C2orf49: variants seen among roughly 807,000 people sequenced by gnomAD.
The protein encoded by C2orf49 is tRNA splicing ligase complex subunit 2.
In C2orf49, 11 loss-of-function variants were observed where a neutral mutation model predicts 20.6. The observed-to-expected ratio is 0.53, with a 90% CI of 0.34 to 0.88. C2orf49 has a LOEUF of 0.88. Ranked by LOEUF, C2orf49 falls within the 40% of genes least tolerant of loss-of-function variation. C2orf49 has a pLI of 0.02. For missense variants in C2orf49, 289 were observed against 274.2 expected, an observed-to-expected ratio of 1.05 and a Z score of -0.38; for synonymous variants, 134 against 108.5, an observed-to-expected ratio of 1.24 and a Z score of -1.46.
At chr2:105,354,473 T>G in the C2orf49 span, among the ~76,000 whole-genome samples, 1 of 152,094 alleles carries the variant, frequency 6.6e-6, no homozygotes, top group Non-Finnish European at 1.5e-5. Flanking sequence ...GAGACCAGCC[T>G]GGCCAACATG....
the C2orf49 span, chr2:105,363,559 C>T: frequency 7.9e-7 from 1 of 1,260,478 alleles, no homozygotes; most frequent in Non-Finnish European, 1.1e-6. Flanking sequence ...GATGCAAGAT[C>T]CTCATCCAGA....
intron 3 of C2orf49, among the ~76,000 whole-genome samples, chr2:105,344,841 C>G (rs773552577): frequency 1.3e-5 from 2 of 151,966 alleles, no homozygotes; most frequent in South Asian, 2.1e-4. Flanking sequence ...CCACCTGACT[C>G]GGCTGGGATT....
the C2orf49 span, among the ~76,000 whole-genome samples, chr2:105,362,365 G>A: frequency 6.6e-6 from 1 of 152,162 alleles, no homozygotes; most frequent in Non-Finnish European, 1.5e-5. Context: ...CTGTTTTAGC[G>A]ACCTGGGAAG....
the C2orf49 span, among the ~76,000 whole-genome samples, chr2:105,382,466 T>G: frequency 6.6e-6 from 1 of 152,202 alleles, no homozygotes; most frequent in Admixed American, 6.5e-5. Flanking sequence ...CCTTTAACCC[T>G]TGGCAAGATC....
At chr2:105,376,342 A>T in the C2orf49 span, 5 of 151,996 alleles carry the variant, frequency 3.3e-5, no homozygotes, top group Admixed American at 6.6e-5. Flanking sequence ...CCTTGAGGAG[A>T]TGTGTGTGTG....
At chr2:105,373,446 G>T in the C2orf49 span, 1 of 1,141,006 alleles carries the variant, frequency 8.8e-7, no homozygotes, top group East Asian at 2.4e-5. Flanking sequence ...AGGTCAAACT[G>T]GAAAGTCAAC....
At chr2:105,360,988 GAA>G in the C2orf49 span, 1 of 259,512 alleles carries the variant, frequency 3.9e-6, no homozygotes, top group Non-Finnish European at 7.3e-6. Flanking sequence ...GACAGTGAGA[GAA>G]AGATTTATAA....
chr2:105,374,956 C>T, the C2orf49 span, among the ~76,000 whole-genome samples: 1,325 of 152,262 alleles, frequency 8.7e-3, 13 homozygotes, highest in African/African-American at 0.03. Flanking sequence ...GCTGTTCACG[C>T]GATGGCCCTG....
chr2:105,373,526 T>C, the C2orf49 span: 1 of 1,613,294 alleles, frequency 6.2e-7, no homozygotes, highest in Non-Finnish European at 8.5e-7. Flanking sequence ...GAAGCTAGAC[T>C]GGCTCACGCA....
chr2:105,372,106 G>T, the C2orf49 span, among the ~76,000 whole-genome samples: 1 of 152,226 alleles, frequency 6.6e-6, no homozygotes, highest in South Asian at 2.1e-4. Context: ...CTGTCATAGT[G>T]TGTCACAGTT....
Position 105,347,691 on chromosome 2 carries a change from A to G in C2orf49, c.*2320A>G, listed in dbSNP as rs1221768968. The G allele has an allele frequency of 6.6e-6, 1 of 152,188 alleles. No individual in the cohort carries two copies. Among genetic ancestry groups the G allele is most frequent in the Non-Finnish European group, 1.5e-5 (1 of 68,034 alleles). 9.4% of individuals were successfully genotyped at this position (152,188 alleles called of 1,614,324 possible). A position where few individuals can be genotyped will look rare whatever the true frequency, so the allele number is the denominator to read the frequency against. ...GTGTATAGATACAGCTTGTCTTGAAATGTCTTTCTCCACATAATGAAGCAT... is the reference window on the plus strand; with the variant it reads ...GTGTATAGATACAGCTTGTCTTGAAGTGTCTTTCTCCACATAATGAAGCAT... On this transcript the variant is annotated 3_prime_UTR_variant, in exon 4 of 4. Coordinates refer to ENST00000258457, the MANE Select transcript of C2orf49 (RefSeq NM_024093.3).
rs1204382024 is a variant in C2orf49 at position 105,345,596 on chromosome 2, T to A, written c.*225T>A. The A allele has an allele frequency of 7.1e-6, 4 of 560,954 alleles. No homozygotes were observed. Among genetic ancestry groups the A allele is most frequent in the African/African-American group, 1.9e-5 (1 of 52,256 alleles). 34.7% of individuals were successfully genotyped at this position (560,954 alleles called of 1,614,324 possible). A position where few individuals can be genotyped will look rare whatever the true frequency, so the allele number is the denominator to read the frequency against. On this transcript the variant is annotated 3_prime_UTR_variant, in exon 4 of 4. Transcript: ENST00000258457. ...CCCTGATTAGGAAAGAATATCTTTT[T>A]AAACCAATGGCTTAGTATATGTCAT...
the C2orf49 span, among the ~76,000 whole-genome samples, chr2:105,357,474 T>G: frequency 2.0e-5 from 3 of 152,236 alleles, no homozygotes; most frequent in Non-Finnish European, 2.9e-5. Flanking sequence ...TGTGGGGGAT[T>G]AATTCCAGGA....
intron 2 of C2orf49, among the ~76,000 whole-genome samples, chr2:105,341,422 C>T (rs1679666771): frequency 6.6e-6 from 1 of 152,184 alleles, no homozygotes; most frequent in African/African-American, 2.4e-5. Flanking sequence ...ATTATTTTAT[C>T]TGTGGAGGAA....
chr2:105,350,840 A>T (rs1679915178), downstream of C2orf49, among the ~76,000 whole-genome samples: 1 of 152,204 alleles, frequency 6.6e-6, no homozygotes, highest in Non-Finnish European at 1.5e-5. Flanking sequence ...CCCTACTAAC[A>T]TACATTCATA....
At chr2:105,378,354 C>G in the C2orf49 span, 1 of 371,864 alleles carries the variant, frequency 2.7e-6, no homozygotes, top group South Asian at 2.1e-5. Context: ...GCCTGTCCCC[C>G]CACACCCTGC....
chr2:105,358,193 T>G, the C2orf49 span: 1 of 152,204 alleles, frequency 6.6e-6, no homozygotes, highest in Admixed American at 6.5e-5. Context: ...TTTTTGACAA[T>G]CCCCTTAGGC....
downstream of C2orf49, among the ~76,000 whole-genome samples, chr2:105,349,965 A>G (rs532966481): frequency 3.3e-4 from 51 of 152,288 alleles, no homozygotes; most frequent in Middle Eastern, 3.4e-3. Flanking sequence ...GATCAAGTGA[A>G]TGCTTCTACT....
chr2:105,368,072 A>G, the C2orf49 span, among the ~76,000 whole-genome samples: 3 of 152,226 alleles, frequency 2.0e-5, no homozygotes, highest in African/African-American at 7.2e-5. Context: ...GAAGTGTGGC[A>G]TAGCTCCGAT....
Sources: allele counts gnomAD v4.1 joint callset (sites outside exome capture counted in the v4.1 genomes callset), GRCh38; gene constraint gnomAD v4.1.1; transcripts MANE v1.5; gene names NCBI Gene and HGNC (gene_info 2026-07-23, HGNC 2026-07-21).